Variants in SLC22A16 observed in about 807,000 individuals in gnomAD.
The protein encoded by SLC22A16 is solute carrier family 22 member 16.
SLC22A16 carries 53 observed loss-of-function variants against 52.9 expected under a neutral mutation model. The ratio of observed to expected loss-of-function variants is 1.00; its 90% CI spans 0.80 to 1.26. The LOEUF is 1.26. SLC22A16 is among the 50% of genes most tolerant of loss of function. SLC22A16 has a pLI of 0.00. For synonymous variants in SLC22A16, 291 were observed against 268.8 expected (o/e 1.08, Z -0.81); for missense variants, 726 against 704.0 (o/e 1.03, Z -0.35).
intron 1 of SLC22A16, among the ~76,000 whole-genome samples, chr6:110,458,691 C>T (rs555359468): frequency 6.6e-6 from 1 of 152,258 alleles, no homozygotes; most frequent in South Asian, 2.1e-4. Flanking sequence ...GTAGAGATCA[C>T]CCTCACCAGT....
intron 6 of SLC22A16, among the ~76,000 whole-genome samples, chr6:110,433,062 C>T (rs555193625): frequency 1.3e-5 from 2 of 152,192 alleles, no homozygotes; most frequent in African/African-American, 2.4e-5. Context: ...GTAAAATGGA[C>T]AGAAGATGTA....
chr6:110,442,855 T>C (rs1775032909), intron 3 of SLC22A16, 80 bp from the exon 4 acceptor site: 5 of 1,304,684 alleles, frequency 3.8e-6, no homozygotes, highest in Non-Finnish European at 5.3e-6. Flanking sequence ...GCAAATCACA[T>C]ATAGGCAAAA....
chr6:110,470,936 T>G (rs993336565), intron 1 of SLC22A16, among the ~76,000 whole-genome samples: 1 of 152,186 alleles, frequency 6.6e-6, no homozygotes, highest in African/African-American at 2.4e-5. Flanking sequence ...ACAATTGTTG[T>G]GGAGCAACTG....
intron 2 of SLC22A16, 150 bp from the exon 3 acceptor site, chr6:110,447,140 A>G (rs540991775): frequency 8.2e-5 from 54 of 662,410 alleles, no homozygotes; most frequent in Non-Finnish European, 1.3e-4. Context: ...TGAGCAAACC[A>G]TAAGTTCCAT....
At chr6:110,425,673 T>C (rs529703479) in intron 7 of SLC22A16, among the ~76,000 whole-genome samples, 30 of 152,386 alleles carry the variant, frequency 2.0e-4, no homozygotes, top group African/African-American at 2.2e-4. Flanking sequence ...TAATTTCCTA[T>C]ACAGTTCGGT....
At chr6:110,437,748 C>A (rs1774789976) in intron 5 of SLC22A16, among the ~76,000 whole-genome samples, 1 of 151,838 alleles carries the variant, frequency 6.6e-6, no homozygotes, top group Admixed American at 6.6e-5. Flanking sequence ...CTGAAAACAT[C>A]TTTTTTGGGA....
chr6:110,445,839 T>C (rs1329499785), intron 3 of SLC22A16, among the ~76,000 whole-genome samples: 1 of 152,200 alleles, frequency 6.6e-6, no homozygotes, highest in Non-Finnish European at 1.5e-5. Flanking sequence ...ATGTCCTCAG[T>C]GGAAACAGAA....
At chr6:110,462,578 TAAAG>T (rs1775923400) in intron 1 of SLC22A16, among the ~76,000 whole-genome samples, 1 of 151,800 alleles carries the variant, frequency 6.6e-6, no homozygotes, top group Non-Finnish European at 1.5e-5. Flanking sequence ...CAAACAAAAA[TAAAG>T]AAAAAAGAAT....
chr6:110,450,335 G>C (rs1302717326), intron 2 of SLC22A16, among the ~76,000 whole-genome samples: 1 of 152,004 alleles, frequency 6.6e-6, no homozygotes, highest in Non-Finnish European at 1.5e-5. Context: ...TTACCGGCTG[G>C]GCATGGCGGC....
chr6:110,467,187 C>T (rs1035089704), intron 1 of SLC22A16, among the ~76,000 whole-genome samples: 5 of 152,094 alleles, frequency 3.3e-5, no homozygotes, highest in African/African-American at 7.2e-5. Flanking sequence ...TCTCTCTCTG[C>T]GTTTTTTTTC....
At chr6:110,447,928 T>G (rs1051245756) in intron 2 of SLC22A16, among the ~76,000 whole-genome samples, 14 of 152,242 alleles carry the variant, frequency 9.2e-5, no homozygotes, top group African/African-American at 3.4e-4. Flanking sequence ...TTCCTCTTCT[T>G]GGCTATTATG....
chr6:110,466,272 C>G (rs1776058085), intron 1 of SLC22A16, among the ~76,000 whole-genome samples: 1 of 151,874 alleles, frequency 6.6e-6, no homozygotes, highest in African/African-American at 2.4e-5. Context: ...TGCAACAAAA[C>G]CAAAAATAGA....
chr6:110,454,866 T>A (rs1230437120), intron 2 of SLC22A16, among the ~76,000 whole-genome samples: 2 of 81,702 alleles, frequency 2.4e-5, no homozygotes, highest in African/African-American at 9.9e-5. Context: ...ATATGTTATA[T>A]TATATATAAT....
At position 110,424,756 on chromosome 6, in the gene SLC22A16, A is replaced by T; in HGVS notation, c.*117T>A. 1 of 1,211,752 alleles carries T rather than the reference A, an allele frequency of 8.3e-7. No individual in the cohort carries two copies. Among genetic ancestry groups the T allele is most frequent in the South Asian group, 1.7e-5 (1 of 57,718 alleles). The allele number at this position is 1,211,752 out of a possible 1,614,324, so 75.1% of individuals were successfully genotyped here. On this transcript the variant is annotated 3_prime_UTR_variant, in exon 8 of 8. Coordinates refer to ENST00000368919, the MANE Select transcript of SLC22A16 (RefSeq NM_033125.4). ...AACATATTTGCTTTAAAATTTTCTT[A>T]CAAAATTTATTAAAAAGACATACAA...
At chr6:110,435,982 T>C in intron 5 of SLC22A16, 21 bp from the exon 6 acceptor site, 1 of 1,471,300 alleles carries the variant, frequency 6.8e-7, no homozygotes, top group Non-Finnish European at 9.5e-7. Flanking sequence ...TTTAGCAGAA[T>C]AGATCATCAC....
In SLC22A16 at chr6:110,442,386, T is replaced by C. The variant is rs1422059184; in HGVS notation, c.1041A>G (p.Ser347=). The change falls in exon 4 of 8, where the codon TCA becomes TCG. Residue 347 remains serine, a synonymous_variant. Coordinates refer to ENST00000368919, the MANE Select transcript of SLC22A16 (RefSeq NM_033125.4). ...SPTEVQKHNL[S]YLFYNWSITK... ...TAATGCTCCAGTTATAAAACAGATATGATAGGTTGTGCTTCTGAACTTCAG... is the reference window on the plus strand; with the variant it reads ...TAATGCTCCAGTTATAAAACAGATACGATAGGTTGTGCTTCTGAACTTCAG... 6.2e-7 allele frequency: 1 copy of C among 1,614,216 alleles called. No individual in the cohort carries two copies. The highest frequency in any genetic ancestry group is 1.7e-5 in the Admixed American group (1 of 60,024).
chr6:110,427,260 A>AGAAAAG (rs1554222362), intron 7 of SLC22A16, among the ~76,000 whole-genome samples: 4 of 137,988 alleles, frequency 2.9e-5, no homozygotes, highest in Admixed American at 7.5e-5. Flanking sequence ...AAAAAAAAAA[A>AGAAAAG]AAAAGAAAAA....
intron 6 of SLC22A16, among the ~76,000 whole-genome samples, chr6:110,433,932 CA>C (rs967725200): frequency 1.3e-5 from 2 of 151,290 alleles, no homozygotes; most frequent in African/African-American, 2.4e-5. Context: ...GATCATTTTG[CA>C]AAAAAAAGAG....
At chr6:110,471,245 A>G (rs2114305179) in intron 1 of SLC22A16, among the ~76,000 whole-genome samples, 1 of 152,336 alleles carries the variant, frequency 6.6e-6, no homozygotes, top group Non-Finnish European at 1.5e-5. Context: ...TCAGTACAAT[A>G]ACATGCTGTG....
Sources: gnomAD v4.1 joint callset for allele counts (sites outside exome capture counted in the v4.1 genomes callset) on GRCh38, gnomAD v4.1.1 for gene constraint, MANE v1.5 for transcripts, NCBI Gene and HGNC (gene_info 2026-07-23, HGNC 2026-07-21) for gene names.